The following SIPA1L1 variants were observed in gnomAD, a reference collection of about 807,000 sequenced individuals.
SIPA1L1 encodes signal induced proliferation associated 1 like 1.
A neutral mutation model predicts 162.7 loss-of-function variants in SIPA1L1; 26 were observed. The observed-to-expected ratio is 0.16, with a 90% CI of 0.12 to 0.22. The LOEUF is 0.22. Among genes scored for constraint, SIPA1L1 ranks in the 10% least tolerant of loss-of-function variants. The pLI is 1.00. For synonymous variants in SIPA1L1, 829 were observed against 837.4 expected (o/e 0.99, Z 0.17); for missense variants, 1,874 against 2,241.0 (o/e 0.84, Z 3.31).
intron 2 of SIPA1L1, among the ~76,000 whole-genome samples, chr14:71,349,006 C>T (rs918121803): frequency 1.3e-5 from 2 of 152,194 alleles, no homozygotes; most frequent in Non-Finnish European, 2.9e-5. Context: ...TTTCCTCATC[C>T]ACCGCAAGGG....
chr14:71,504,111 G>T (rs1012966718), intron 2 of SIPA1L1, among the ~76,000 whole-genome samples: 1 of 151,688 alleles, frequency 6.6e-6, no homozygotes, highest in Non-Finnish European at 1.5e-5. Flanking sequence ...AGTCCTAAAA[G>T]TTTAATATTT....
At position 71,567,570 on chromosome 14, in the gene SIPA1L1, T is replaced by C. The variant is rs576265213; in HGVS notation, c.-302-20001T>C. On this transcript the variant is annotated intron_variant, in intron 4 of 23. Coordinates refer to ENST00000381232, the MANE Select transcript of SIPA1L1 (RefSeq NM_001386936.1). ...GCTCAATGGAGCAAACTTATAGTTA[T>C]TTCTTGATTATATACTAAACAAGGG... 7.9e-5 allele frequency among the ~76,000 whole-genome samples: 12 copies of C among 151,590 alleles called. 1 individual carries two copies. Among genetic ancestry groups the C allele is most frequent in the African/African-American group, 2.2e-4 (9 of 41,290 alleles).
Position 71,724,684 on chromosome 14 carries a change from A to T in SIPA1L1, c.4463A>T (p.Asp1488Val), listed in dbSNP as rs1020930790. The T allele has an allele frequency of 1.2e-6, 2 of 1,613,254 alleles. No homozygotes were observed. The highest frequency in any genetic ancestry group is 1.7e-6 in the Non-Finnish European group (2 of 1,179,826). ...FMDTRKRHQS[D>V]GNEIAHTRLR... Reference sequence around the variant, plus strand: ...TTTTTGTCCAGGCGTCATCAGAGCGATGGCAATGAAATAGCCCACACCAGG... The same window carrying T: ...TTTTTGTCCAGGCGTCATCAGAGCGTTGGCAATGAAATAGCCCACACCAGG... Residue 1488 changes from aspartate to valine, a missense_variant, in exon 19 of 24, where the codon GAT (aspartate) becomes GTT (valine). Physicochemically the swap from Asp to Val is radical, Grantham distance 152. Around this residue, in one of 5 missense-constraint regions of SIPA1L1, gnomAD observed 936 missense variants for 1,051.9 expected, o/e 0.89. Coordinates refer to ENST00000381232, the MANE Select transcript of SIPA1L1 (RefSeq NM_001386936.1).
chr14:71,398,293 C>A (rs1182742562), intron 2 of SIPA1L1: 1 of 152,156 alleles, frequency 6.6e-6, no homozygotes, highest in Non-Finnish European at 1.5e-5. Context: ...CCAGGTATTA[C>A]TTGAAAGTTC....
chr14:71,571,565 G>T (rs777669814), intron 4 of SIPA1L1, among the ~76,000 whole-genome samples: 5 of 152,144 alleles, frequency 3.3e-5, no homozygotes, highest in Non-Finnish European at 5.9e-5. Flanking sequence ...AGAAGTTAAT[G>T]AAATAATACC....
chr14:71,491,460 A>G (rs774009692), intron 2 of SIPA1L1, among the ~76,000 whole-genome samples: 1 of 152,210 alleles, frequency 6.6e-6, no homozygotes, highest in African/African-American at 2.4e-5. Flanking sequence ...AAATATGGAC[A>G]TATGAACTGT....
chr14:71,470,985 C>T (rs2047408221), intron 2 of SIPA1L1, among the ~76,000 whole-genome samples: 1 of 151,978 alleles, frequency 6.6e-6, no homozygotes, highest in Non-Finnish European at 1.5e-5. Flanking sequence ...CTACAGGCAC[C>T]CACCACCACA....
chr14:71,405,103 G>C (rs1001141249), intron 2 of SIPA1L1, among the ~76,000 whole-genome samples: 2 of 152,210 alleles, frequency 1.3e-5, no homozygotes, highest in Non-Finnish European at 2.9e-5. Context: ...GTACATAGTA[G>C]GTGCTCAGTA....
At chr14:71,357,517 G>C (rs1016329013) in intron 2 of SIPA1L1, among the ~76,000 whole-genome samples, 1 of 152,168 alleles carries the variant, frequency 6.6e-6, no homozygotes, top group Non-Finnish European at 1.5e-5. Flanking sequence ...GAGCCCTGAC[G>C]TAATAGTCAG....
intron 2 of SIPA1L1, among the ~76,000 whole-genome samples, chr14:71,431,825 A>C (rs2044011644): frequency 6.6e-6 from 1 of 152,208 alleles, no homozygotes; most frequent in African/African-American, 2.4e-5. Context: ...TAGAAAATCA[A>C]CTCAGAAAAG....
At chr14:71,602,144 G>A (rs2036846004) in intron 5 of SIPA1L1, among the ~76,000 whole-genome samples, 1 of 151,788 alleles carries the variant, frequency 6.6e-6, no homozygotes, top group Non-Finnish European at 1.5e-5. Flanking sequence ...GTTTCTTGAG[G>A]TACACCATTA....
At chr14:71,682,889 C>T (rs542990589) in intron 12 of SIPA1L1, among the ~76,000 whole-genome samples, 1 of 152,230 alleles carries the variant, frequency 6.6e-6, no homozygotes, top group African/African-American at 2.4e-5. Context: ...CACAGTGGCT[C>T]ATGCCTGGAA....
intron 17 of SIPA1L1, among the ~76,000 whole-genome samples, chr14:71,711,301 A>G (rs572430660): frequency 6.6e-6 from 1 of 152,360 alleles, no homozygotes; most frequent in South Asian, 2.1e-4. Context: ...AGATGCCATA[A>G]CCATATAGAC....
chr14:71,551,357 G>C (rs1368635890), intron 4 of SIPA1L1, among the ~76,000 whole-genome samples: 1 of 152,208 alleles, frequency 6.6e-6, no homozygotes, highest in Admixed American at 6.5e-5. Context: ...AGGATGGCTA[G>C]TCTCCCTATT....
intron 4 of SIPA1L1, among the ~76,000 whole-genome samples, chr14:71,542,201 T>C (rs1390208284): frequency 6.6e-6 from 1 of 152,104 alleles, no homozygotes; most frequent in Non-Finnish European, 1.5e-5. Flanking sequence ...TCCTCCCCAC[T>C]CAGCCTCCCA....
chr14:71,670,816 A>AT (rs796938225), intron 10 of SIPA1L1, among the ~76,000 whole-genome samples: 45 of 151,796 alleles, frequency 3.0e-4, no homozygotes, highest in African/African-American at 9.2e-4. Flanking sequence ...CAGTAAACCT[A>AT]TTTTTTTTCA....
At chr14:71,700,391 G>T (rs1179644221) in intron 14 of SIPA1L1, among the ~76,000 whole-genome samples, 1 of 152,168 alleles carries the variant, frequency 6.6e-6, no homozygotes, top group Admixed American at 6.5e-5. Context: ...AGCATGATTA[G>T]AATCCATTTC....
At chr14:71,704,805 A>G (rs2082327358) in intron 15 of SIPA1L1, 3 of 1,559,432 alleles carry the variant, frequency 1.9e-6, no homozygotes, top group African/African-American at 2.7e-5. Flanking sequence ...CCAAAGTGTC[A>G]TGGTAAGTAA....
At chr14:71,644,743 G>C (rs2042013180) in intron 7 of SIPA1L1, among the ~76,000 whole-genome samples, 1 of 152,122 alleles carries the variant, frequency 6.6e-6, no homozygotes, top group African/African-American at 2.4e-5. Context: ...TTTAAATTTT[G>C]CTTTAGAGCT....
Sources: gnomAD v4.1 joint callset for allele counts (sites outside exome capture counted in the v4.1 genomes callset) on GRCh38, gnomAD v4.1.1 for gene constraint, gnomAD v4.1.1 regional missense constraint, MANE v1.5 for transcripts, NCBI Gene and HGNC (gene_info 2026-07-23, HGNC 2026-07-21) for gene names.